Variants in DDR2 observed in about 807,000 individuals in gnomAD.
The protein encoded by DDR2 is discoidin domain receptor tyrosine kinase 2.
Under a neutral mutation model 94.9 loss-of-function variants are expected in DDR2, and 27 were observed. The observed-to-expected ratio is 0.28, with a 90% CI of 0.21 to 0.39. DDR2 has a LOEUF of 0.39. DDR2 is among the 10% of genes least tolerant of loss of function. The pLI is 1.00. For synonymous variants in DDR2, 382 were observed against 377.2 expected (o/e 1.01, Z -0.15); for missense variants, 783 against 1,076.0 (o/e 0.73, Z 3.81).
At chr1:162,671,521 GACTA>G (rs1174704312) in intron 2 of DDR2, among the ~76,000 whole-genome samples, 1 of 152,178 alleles carries the variant, frequency 6.6e-6, no homozygotes, top group African/African-American at 2.4e-5. Context: ...GGGAGGCAGT[GACTA>G]ATAACTACTG....
chr1:162,680,680 C>CATCT (rs1379324834), intron 2 of DDR2, among the ~76,000 whole-genome samples: 4 of 152,112 alleles, frequency 2.6e-5, no homozygotes, highest in Non-Finnish European at 5.9e-5. Flanking sequence ...TGACCTTAGT[C>CATCT]ATCTTTAGAA....
chr1:162,772,139 G>A lies in DDR2; in HGVS notation c.1620G>A (p.Val540=), dbSNP rs777301274. The A allele has an allele frequency of 3.1e-6, 5 of 1,614,202 alleles. No homozygotes were observed. Among genetic ancestry groups the A allele is most frequent in the Admixed American group, 3.3e-5 (2 of 60,016 alleles). The stretch of plus-strand genomic sequence containing the variant: ...TGACAGGAGGCAACACATACTCAGT[G>A]CCTGCCGTCACCATGGACCTGCTCT... The part of the protein sequence containing the change: ...QGVTGGNTYS[V]PAVTMDLLSG... Residue 540 remains valine, a synonymous_variant, in exon 13 of 18, where the codon GTG becomes GTA. Coordinates refer to ENST00000367921, the MANE Select transcript of DDR2 (RefSeq NM_006182.4).
At chr1:162,638,637 A>G (rs1294794794) in intron 1 of DDR2, among the ~76,000 whole-genome samples, 1 of 152,166 alleles carries the variant, frequency 6.6e-6, no homozygotes, top group Non-Finnish European at 1.5e-5. Context: ...CAGTACTGTA[A>G]CTTCTCAGAG....
At chr1:162,644,225 G>A (rs1657295962) in intron 1 of DDR2, among the ~76,000 whole-genome samples, 1 of 152,118 alleles carries the variant, frequency 6.6e-6, no homozygotes, top group Non-Finnish European at 1.5e-5. Context: ...TAAAAATAAT[G>A]AAGTACATGT....
intron 1 of DDR2, among the ~76,000 whole-genome samples, chr1:162,653,854 G>A (rs770071727): frequency 3.9e-5 from 6 of 152,162 alleles, no homozygotes; most frequent in Non-Finnish European, 5.9e-5. Context: ...ACTAGAAGCC[G>A]GAGGAAAGTT....
intron 3 of DDR2, among the ~76,000 whole-genome samples, chr1:162,730,141 G>T (rs1661961203): frequency 6.6e-6 from 1 of 151,356 alleles, no homozygotes; most frequent in African/African-American, 2.4e-5. Context: ...GAACCCATAG[G>T]AATATCATCC....
chr1:162,714,334 G>A (rs538028740), intron 2 of DDR2, among the ~76,000 whole-genome samples: 2 of 152,080 alleles, frequency 1.3e-5, no homozygotes, highest in South Asian at 4.2e-4. Flanking sequence ...TGTCTCATTT[G>A]TGCAGGCCTT....
At chr1:162,776,853 C>T (rs992154396) in intron 16 of DDR2, among the ~76,000 whole-genome samples, 15 of 152,038 alleles carry the variant, frequency 9.9e-5, no homozygotes, top group African/African-American at 3.4e-4. Context: ...ATATTCCATA[C>T]CATAAGTGAG....
At chr1:162,643,389 C>T (rs1265594239) in intron 1 of DDR2, among the ~76,000 whole-genome samples, 6 of 152,154 alleles carry the variant, frequency 3.9e-5, no homozygotes, top group Non-Finnish European at 8.8e-5. Flanking sequence ...AGGTAAACTT[C>T]AATGACTCTG....
At chr1:162,656,989 T>C (rs61811284) in intron 2 of DDR2, among the ~76,000 whole-genome samples, 12,152 of 151,494 alleles carry the variant, frequency 0.08, 509 homozygotes, top group Admixed American at 0.093. Flanking sequence ...TAGCTGGAAA[T>C]ACAGGCACAC....
chr1:162,637,326 T>C (rs1472066130), intron 1 of DDR2, among the ~76,000 whole-genome samples: 1 of 152,146 alleles, frequency 6.6e-6, no homozygotes, highest in Non-Finnish European at 1.5e-5. Flanking sequence ...ACAGAAATAG[T>C]TATTAAATGG....
chr1:162,664,992 A>G (rs1177380219), intron 2 of DDR2, among the ~76,000 whole-genome samples: 3 of 152,346 alleles, frequency 2.0e-5, no homozygotes, highest in Middle Eastern at 3.4e-3. Flanking sequence ...CTGCTCGAAC[A>G]TATGGAGTAG....
At chr1:162,698,369 C>A (rs943877618) in intron 2 of DDR2, among the ~76,000 whole-genome samples, 31 of 152,166 alleles carry the variant, frequency 2.0e-4, no homozygotes, top group African/African-American at 7.2e-4. Flanking sequence ...GAGGCATGGT[C>A]TGTGCTCATT....
intron 9 of DDR2, 88 bp from the exon 10 acceptor site, chr1:162,765,913 G>A (rs1663967213): frequency 3.4e-6 from 4 of 1,172,958 alleles, no homozygotes; most frequent in Admixed American, 3.4e-5. Context: ...AATTGATCTT[G>A]TAATGTGCTA....
rs1433629744 is a variant in DDR2 at position 162,762,759 on chromosome 1, CTTA to C, written c.1099+1308_1099+1310del. Reference sequence around the variant, plus strand: ...TGTCTAATTAATTTTGGTTTTTACCCTTATTTTTTTGGTATCATTATAAACTCA... The same window carrying C: ...TGTCTAATTAATTTTGGTTTTTACCCTTTTTTTGGTATCATTATAAACTCA... On this transcript the variant is annotated intron_variant, in intron 9 of 17. Transcript: ENST00000367921. Among the ~76,000 whole-genome samples, 7 of 152,106 alleles carry C rather than the reference CTTA, an allele frequency of 4.6e-5. No individual in the cohort carries two copies. The East Asian group carries it at 1.3e-3, about 29-fold the overall frequency.
chr1:162,754,711 G>A lies in DDR2; in HGVS notation c.273G>A (p.Leu91=), dbSNP rs770061957. ...DDLKEFLQID[L]HTLHFITLVG... Reference sequence around the variant, plus strand: ...TGAAGGAGTTTCTGCAGATTGACTTGCACACCCTCCATTTTATCACTCTGG... The same window carrying A: ...TGAAGGAGTTTCTGCAGATTGACTTACACACCCTCCATTTTATCACTCTGG... Residue 91 remains leucine (L), a synonymous_variant, in exon 5 of 18, where the codon TTG becomes TTA. Transcript: ENST00000367921. The A allele has an allele frequency of 1.9e-6, 3 of 1,614,088 alleles. No individual in the cohort carries two copies. The highest frequency in any genetic ancestry group is 1.7e-5 in the Admixed American group (1 of 60,000).
At chr1:162,681,128 T>C (rs1409950283) in intron 2 of DDR2, among the ~76,000 whole-genome samples, 1 of 152,166 alleles carries the variant, frequency 6.6e-6, no homozygotes, top group Non-Finnish European at 1.5e-5. Flanking sequence ...TGTCTTAACC[T>C]TCCTGGATCT....
At chr1:162,696,337 T>C (rs1660190176) in intron 2 of DDR2, among the ~76,000 whole-genome samples, 1 of 152,022 alleles carries the variant, frequency 6.6e-6, no homozygotes, top group South Asian at 2.1e-4. Flanking sequence ...CTCCCCTTTC[T>C]GAGGGAATTG....
intron 2 of DDR2, among the ~76,000 whole-genome samples, chr1:162,716,156 A>G (rs543150923): frequency 1.8e-4 from 28 of 152,328 alleles, no homozygotes; most frequent in African/African-American, 6.5e-4. Flanking sequence ...GAAGGAAAGA[A>G]AGGAAATGAT....
Sources: gnomAD v4.1 joint callset for allele counts (sites outside exome capture counted in the v4.1 genomes callset) on GRCh38, gnomAD v4.1.1 for gene constraint, MANE v1.5 for transcripts, NCBI Gene and HGNC (gene_info 2026-07-23, HGNC 2026-07-21) for gene names.